ZNF536: variants seen among roughly 807,000 people sequenced by gnomAD.
The protein encoded by ZNF536 is zinc finger protein 536.
Under a neutral mutation model 84.5 loss-of-function variants are expected in ZNF536, and 13 were observed. The observed-to-expected ratio is 0.15, with a 90% confidence interval of 0.10 to 0.24. The LOEUF (loss-of-function observed/expected upper bound fraction) is 0.24. ZNF536 is among the 10% of genes least tolerant of loss of function. ZNF536 has a pLI of 1.00. For synonymous variants in ZNF536, 811 were observed against 742.5 expected, an observed-to-expected ratio of 1.09 and a Z score of -1.50; for missense variants, 1,536 against 1,747.5, an observed-to-expected ratio of 0.88 and a Z score of 2.16.
intron 1 of ZNF536, among the ~76,000 whole-genome samples, chr19:30,239,748 T>A (rs914853236): frequency 3.3e-5 from 5 of 152,242 alleles, no homozygotes; most frequent in Non-Finnish European, 7.3e-5. Flanking sequence ...AGGCATCTCC[T>A]ATATTCCCAG....
At chr19:30,257,079 C>A (rs933979140) in intron 1 of ZNF536, among the ~76,000 whole-genome samples, 1 of 152,204 alleles carries the variant, frequency 6.6e-6, no homozygotes, top group Non-Finnish European at 1.5e-5. Flanking sequence ...TCTTCATTTA[C>A]AGCCGAATAT....
At chr19:30,231,207 TGAA>T (rs1181544121) in intron 1 of ZNF536, among the ~76,000 whole-genome samples, 3 of 152,216 alleles carry the variant, frequency 2.0e-5, no homozygotes, top group Admixed American at 6.5e-5. Context: ...TTTGTCCATA[TGAA>T]GGAGAGAAGC....
chr19:30,247,564 G>A, intron 1 of ZNF536, among the ~76,000 whole-genome samples: 1 of 152,190 alleles, frequency 6.6e-6, no homozygotes, highest in East Asian at 1.9e-4. Flanking sequence ...GATCAAGCCT[G>A]TAATCCCAGC....
intron 2 of ZNF536, among the ~76,000 whole-genome samples, chr19:30,477,046 CCCAAACTACTGGG>C (rs1208866350): frequency 6.6e-6 from 1 of 152,110 alleles, no homozygotes; most frequent in Non-Finnish European, 1.5e-5. Flanking sequence ...GCCTTGGCCT[CCCAAACTACTGGG>C]ATTACAGGCA....
rs925189920 is a variant in ZNF536, at chr19:30,445,476, G to A, written c.1914G>A (p.Arg638=). The change falls in exon 2 of 5, where the codon CGG becomes CGA. Residue 638 remains arginine, a synonymous_variant. Transcript: ENST00000355537. The surrounding 1 kb of genome is among the most constrained non-coding windows in gnomAD (Gnocchi z 4.5). ...CCACCGAGTGCCCCGACTGCGGCCG[G>A]GTGTTCCGCACTTACCACCAGGTGG... The part of the protein sequence containing the change: ...EKPTECPDCG[R]VFRTYHQVVV... 3.7e-6 allele frequency: 6 copies of A among 1,614,158 alleles called. No individual in the cohort carries two copies. The highest frequency in any genetic ancestry group is 5.1e-6 in the Non-Finnish European group (6 of 1,180,038).
At chr19:30,624,872 A>G (rs950813224) in intron 1 of ZNF536, among the ~76,000 whole-genome samples, 1 of 152,120 alleles carries the variant, frequency 6.6e-6, no homozygotes, top group African/African-American at 2.4e-5. Flanking sequence ...GTGAGTTTTC[A>G]TGAGATCTGA....
intron 1 of ZNF536, among the ~76,000 whole-genome samples, chr19:30,384,210 C>CCTTCCTTCCAT (rs1568378415): frequency 2.7e-5 from 1 of 36,966 alleles, no homozygotes; most frequent in Non-Finnish European, 4.2e-5. Context: ...CTTCCATCCT[C>CCTTCCTTCCAT]CCTCCCTCCC....
intron 1 of ZNF536, among the ~76,000 whole-genome samples, chr19:30,622,783 C>A (rs1456545999): frequency 6.6e-6 from 1 of 152,096 alleles, no homozygotes; most frequent in Non-Finnish European, 1.5e-5. Context: ...GGAGGAAAAG[C>A]AGGCTGCTGG....
intron 1 of ZNF536, among the ~76,000 whole-genome samples, chr19:30,703,273 A>C (rs2058520149): frequency 6.6e-6 from 1 of 152,182 alleles, no homozygotes; most frequent in Non-Finnish European, 1.5e-5. Flanking sequence ...TGCAGGCTTT[A>C]AGGGAGATGA....
At chr19:30,389,300 G>A (rs1014464440) in intron 1 of ZNF536, among the ~76,000 whole-genome samples, 1 of 152,142 alleles carries the variant, frequency 6.6e-6, no homozygotes, top group African/African-American at 2.4e-5. Context: ...TACATTTGGG[G>A]AGAGGTTTCC....
At chr19:30,411,287 A>C (rs956622200) in intron 1 of ZNF536, among the ~76,000 whole-genome samples, 1 of 152,188 alleles carries the variant, frequency 6.6e-6, no homozygotes. Flanking sequence ...CAGTTTCCCA[A>C]ACCTGTACCA....
intron 1 of ZNF536, among the ~76,000 whole-genome samples, chr19:30,411,472 A>G (rs1421830088): frequency 1.3e-5 from 2 of 152,200 alleles, no homozygotes; most frequent in Non-Finnish European, 2.9e-5. Flanking sequence ...AAATTCTCCT[A>G]TGATTTCAGT....
intron 1 of ZNF536, among the ~76,000 whole-genome samples, chr19:30,627,741 G>A (rs1179810841): frequency 1.3e-5 from 2 of 152,204 alleles, no homozygotes; most frequent in African/African-American, 4.8e-5. Context: ...AGACCAGGGA[G>A]GAATTTTCCT....
intron 1 of ZNF536, among the ~76,000 whole-genome samples, chr19:30,682,114 A>C (rs118058879): frequency 0.012 from 1,753 of 152,234 alleles, 14 homozygotes; most frequent in Middle Eastern, 0.031. Context: ...CTTGCGGACC[A>C]CCAGGGGCCA....
chr19:30,396,596 T>C (rs1045806869), intron 1 of ZNF536, among the ~76,000 whole-genome samples: 98 of 144,780 alleles, frequency 6.8e-4, no homozygotes, highest in African/African-American at 1.2e-3. Flanking sequence ...CTCTCTCTTT[T>C]TTTTTTTTTT....
chr19:30,259,593 G>T (rs1280002724), intron 1 of ZNF536, among the ~76,000 whole-genome samples: 1 of 152,162 alleles, frequency 6.6e-6, no homozygotes, highest in South Asian at 2.1e-4. Flanking sequence ...AATGGCAGTG[G>T]CTTTTCCAAG....
chr19:30,294,271 G>A (rs553079024), intron 2 of ZNF536, among the ~76,000 whole-genome samples: 2 of 152,272 alleles, frequency 1.3e-5, no homozygotes, highest in South Asian at 4.2e-4. Context: ...AGGGGTGCAT[G>A]TGTTGAATTT....
chr19:30,405,433 A>G (rs1213893484), intron 1 of ZNF536, among the ~76,000 whole-genome samples: 1 of 152,136 alleles, frequency 6.6e-6, no homozygotes, highest in Non-Finnish European at 1.5e-5. Flanking sequence ...TACTTCCTGA[A>G]CTTGGGGTCT....
intron 1 of ZNF536, among the ~76,000 whole-genome samples, chr19:30,590,655 G>A (rs1336181358): frequency 6.6e-6 from 1 of 152,222 alleles, no homozygotes; most frequent in Non-Finnish European, 1.5e-5. Flanking sequence ...TCCAGGAGGA[G>A]TGGAGATGTG....
Sources: allele counts gnomAD v4.1 joint callset (sites outside exome capture counted in the v4.1 genomes callset), GRCh38; gene constraint gnomAD v4.1.1; non-coding constraint Gnocchi (gnomAD v3.1); transcripts MANE v1.5; gene names NCBI Gene and HGNC (gene_info 2026-07-23, HGNC 2026-07-21).